The following SLC41A1 variants were observed in gnomAD, a reference collection of about 807,000 sequenced individuals.
The protein encoded by SLC41A1 is solute carrier family 41 (magnesium transporter), member 1.
SLC41A1 carries 20 observed loss-of-function variants against 47.3 expected under a neutral mutation model. That is an observed-to-expected ratio of 0.42 (90% CI 0.30 to 0.61). The LOEUF is 0.61. Ranked by LOEUF, SLC41A1 falls within the 20% of genes least tolerant of loss-of-function variation. The pLI is 0.17. For missense variants in SLC41A1, 504 were observed against 674.1 expected, an observed-to-expected ratio of 0.75 and a Z score of 2.79; for synonymous variants, 282 against 272.7, an observed-to-expected ratio of 1.03 and a Z score of -0.34.
At chr1:205,796,902 A>G (rs1252850552) in intron 8 of SLC41A1, 22 bp downstream of exon 8, 2 of 1,608,474 alleles carry the variant, frequency 1.2e-6, no homozygotes, top group African/African-American at 2.7e-5. Context: ...CTGCCCTCTG[A>G]TAGCTGATGC....
rs558558054 is a variant in SLC41A1 at position 205,792,240 on chromosome 1, A to C, written c.1357-522T>G. Among the ~76,000 whole-genome samples, 14 of 152,284 alleles carry C rather than the reference A, an allele frequency of 9.2e-5. No individual in the cohort carries two copies. The South Asian group carries it at 2.7e-3, about 29-fold the overall frequency. ...CGGTTGTCTTAAGTAACAGATGATC[A>C]TCCCAAGCTGGCTTCCTCCTGACCC... On this transcript the variant is annotated intron_variant, in intron 10 of 10. Transcript: ENST00000367137.
In SLC41A1 at chr1:205,798,903, T is replaced by C; in HGVS notation, c.697+54A>G. 7 of 1,614,124 alleles carry C rather than the reference T, an allele frequency of 4.3e-6. No homozygotes were observed. In the South Asian group the frequency reaches 7.7e-5, roughly 18 times the overall value. ...AAAAAGAGAGAGTGGAAGTGCCAGG[T>C]GCAGTGTTCTCTGGGGCGGCACTCC... On this transcript the variant is annotated intron_variant, in intron 5 of 10. Transcript: ENST00000367137.
intron 2 of SLC41A1, among the ~76,000 whole-genome samples, chr1:205,805,908 AG>A (rs1656004978): frequency 6.6e-6 from 1 of 152,224 alleles, no homozygotes; most frequent in African/African-American, 2.4e-5. Context: ...TCAGGAGGGT[AG>A]CAGCAGGGAA....
intron 4 of SLC41A1, 106 bp from the exon 5 acceptor site, chr1:205,799,207 G>A (rs1655816072): frequency 2.0e-6 from 3 of 1,500,338 alleles, no homozygotes; most frequent in Non-Finnish European, 2.7e-6. Context: ...GTAGCCCCAG[G>A]AGGCAGGCTG....
chr1:205,801,246 C>T (rs892732003), intron 2 of SLC41A1, 186 bp from the exon 3 acceptor site: 8 of 580,596 alleles, frequency 1.4e-5, no homozygotes, highest in Admixed American at 7.5e-5. Flanking sequence ...ACAACACAAC[C>T]CCCCTTCCTG....
At chr1:205,793,586 G>A (rs942180209) in intron 10 of SLC41A1, among the ~76,000 whole-genome samples, 1 of 152,214 alleles carries the variant, frequency 6.6e-6, no homozygotes, top group Admixed American at 6.5e-5. Context: ...TGAGGGGGCT[G>A]GAGGGATAGG....
In SLC41A1 at chr1:205,798,891, G is replaced by A; in HGVS notation, c.697+66C>T. 5 of 1,614,146 alleles carry A rather than the reference G, an allele frequency of 3.1e-6. No homozygotes were observed. The South Asian group carries it at 5.5e-5, about 18-fold the overall frequency. On this transcript the variant is annotated intron_variant, in intron 5 of 10. Transcript: ENST00000367137. ...GTCTCAACAAACAAAAAGAGAGAGT[G>A]GAAGTGCCAGGTGCAGTGTTCTCTG...
At position 205,791,812 on chromosome 1, in the gene SLC41A1, C is replaced by A. The variant is rs2102499124; in HGVS notation, c.1357-94G>T. 5.4e-6 allele frequency: 8 copies of A among 1,473,390 alleles called. No individual in the cohort carries two copies. In the South Asian group the frequency reaches 7.2e-5, roughly 13 times the overall value. The allele number at this position is 1,473,390 out of a possible 1,614,324, so 91.3% of individuals were successfully genotyped here. ...CAGACCCATTCAGTGCATCACAGGG[C>A]TTGGCTGGCCATAATCCTTACTTTT... On this transcript the variant is annotated intron_variant, in intron 10 of 10. Transcript: ENST00000367137. This position sits in a 1 kb window ranked among gnomAD's most constrained non-coding sequence, Gnocchi z 4.0.
chr1:205,800,277 G>A (rs1017830911), intron 3 of SLC41A1, among the ~76,000 whole-genome samples: 2 of 152,198 alleles, frequency 1.3e-5, no homozygotes, highest in African/African-American at 4.8e-5. Flanking sequence ...GCCAGAAGTC[G>A]GGTATGGCAA....
intron 10 of SLC41A1, among the ~76,000 whole-genome samples, chr1:205,794,159 C>T (rs60942787): frequency 4.3e-4 from 65 of 151,872 alleles, no homozygotes; most frequent in South Asian, 1.5e-3. Context: ...CACACACACA[C>T]GAGTGCATGT....
chr1:205,797,198 T>C (rs1655769792), intron 7 of SLC41A1, among the ~76,000 whole-genome samples, 195 bp from the exon 8 acceptor site: 1 of 152,218 alleles, frequency 6.6e-6, no homozygotes, highest in Non-Finnish European at 1.5e-5. Flanking sequence ...CTGGGCACAG[T>C]GACTCCAGAA....
intron 2 of SLC41A1, among the ~76,000 whole-genome samples, chr1:205,803,712 C>T (rs1247573641): frequency 6.7e-6 from 1 of 148,338 alleles, no homozygotes; most frequent in Non-Finnish European, 1.5e-5. Context: ...ATCATGGCTT[C>T]GGGCTCCAGC....
intron 6 of SLC41A1, 72 bp downstream of exon 6, chr1:205,798,597 A>T: frequency 6.2e-7 from 1 of 1,603,820 alleles, no homozygotes. Flanking sequence ...AAACTCTTGC[A>T]CATTTGCAAA....
Position 205,791,520 on chromosome 1 carries a change from T to C in SLC41A1, c.*13A>G, listed in dbSNP as rs373342658. On this transcript the variant is annotated 3_prime_UTR_variant, in exon 11 of 11. Transcript: ENST00000367137. The surrounding 1 kb of genome is among the most constrained non-coding windows in gnomAD (Gnocchi z 4.0). The stretch of plus-strand genomic sequence containing the variant: ...AAAGTGCAGAGGGATGGGGAAAATG[T>C]TGAGTGACCAAGCTAGTCCCCGACA... 4 of 1,614,020 alleles carry C rather than the reference T, an allele frequency of 2.5e-6. No homozygotes were observed. Among genetic ancestry groups the C allele is most frequent in the Non-Finnish European group, 3.4e-6 (4 of 1,179,980 alleles).
At chr1:205,795,992 C>A (rs557615433) in intron 8 of SLC41A1, 60 of 230,808 alleles carry the variant, frequency 2.6e-4, no homozygotes, top group African/African-American at 1.3e-3. Context: ...CTGGTATCTC[C>A]GCCAGGACCT....
At position 205,810,823 on chromosome 1, in the gene SLC41A1, G is replaced by T. The variant is rs183791837; in HGVS notation, c.-382C>A. 2.8e-4 allele frequency: 76 copies of T among 269,632 alleles called. No individual in the cohort carries two copies. In the East Asian group the frequency reaches 6.5e-3, roughly 23 times the overall value. 16.7% of individuals were successfully genotyped at this position (269,632 alleles called of 1,614,324 possible). A position where few individuals can be genotyped will look rare whatever the true frequency, so the allele number is the denominator to read the frequency against. On this transcript the variant is annotated 5_prime_UTR_variant, in exon 2 of 11. Transcript: ENST00000367137. The surrounding 1 kb of genome is among the most constrained non-coding windows in gnomAD (Gnocchi z 5.5). Reference sequence around the variant, plus strand: ...AGTAGAAGAGCTCAACCAAATTCTGGGGTGCCCTCTGAAGTGGCCCCTCTT... The same window carrying T: ...AGTAGAAGAGCTCAACCAAATTCTGTGGTGCCCTCTGAAGTGGCCCCTCTT...
chr1:205,808,019 G>A (rs1209290841), intron 2 of SLC41A1, among the ~76,000 whole-genome samples: 5 of 150,946 alleles, frequency 3.3e-5, no homozygotes, highest in Admixed American at 6.6e-5. Flanking sequence ...GCAGTGGCAC[G>A]ATCTTGGCTC....
intron 10 of SLC41A1, among the ~76,000 whole-genome samples, chr1:205,794,474 G>C (rs1655699738): frequency 6.6e-6 from 1 of 152,024 alleles, no homozygotes; most frequent in African/African-American, 2.4e-5. Flanking sequence ...TCAAGCTATG[G>C]GATGCTTTAT....
chr1:205,798,569 A>T, intron 6 of SLC41A1, 100 bp downstream of exon 6: 1 of 1,531,590 alleles, frequency 6.5e-7, no homozygotes, highest in Non-Finnish European at 9.0e-7. Context: ...CAAACCAAAT[A>T]GTTTAAGAAC....
Sources: allele counts gnomAD v4.1 joint callset (sites outside exome capture counted in the v4.1 genomes callset), GRCh38; gene constraint gnomAD v4.1.1; non-coding constraint Gnocchi (gnomAD v3.1); transcripts MANE v1.5; gene names NCBI Gene and HGNC (gene_info 2026-07-23, HGNC 2026-07-21).